POLN: variants seen among roughly 807,000 people sequenced by gnomAD.
POLN encodes the protein DNA polymerase N.
In POLN, 108 loss-of-function variants were observed where a neutral mutation model predicts 113.5. That is an observed-to-expected ratio of 0.95 (90% CI 0.81 to 1.12). The LOEUF (loss-of-function observed/expected upper bound fraction) is 1.12, where lower values mean the gene tolerates loss of function less well. Ranked by LOEUF, POLN falls within the 50% of genes most tolerant of loss-of-function variation. The pLI is 0.00. For synonymous variants in POLN, 386 were observed against 391.5 expected (o/e 0.99, Z 0.17); for missense variants, 1,097 against 1,077.1 (o/e 1.02, Z -0.26).
chr4:2,177,742 T>G (rs372732799), intron 8 of POLN, among the ~76,000 whole-genome samples: 1 of 152,236 alleles, frequency 6.6e-6, no homozygotes, highest in East Asian at 1.9e-4. Context: ...TGGAGAAGTC[T>G]CCCTGCCTGA....
intron 4 of POLN, among the ~76,000 whole-genome samples, chr4:2,212,315 T>C (rs1734013059): frequency 6.6e-6 from 1 of 152,170 alleles, no homozygotes; most frequent in African/African-American, 2.4e-5. Flanking sequence ...TTTCTTCCCT[T>C]ATCTGAAAAA....
chr4:2,212,537 G>A (rs1004791669), intron 4 of POLN, among the ~76,000 whole-genome samples: 5 of 151,062 alleles, frequency 3.3e-5, no homozygotes, highest in Admixed American at 6.6e-5. Flanking sequence ...ACCATGCCCA[G>A]TTAATTTTTT....
At chr4:2,174,052 G>T in intron 10 of POLN, 33 bp from the exon 11 acceptor site, 1 of 1,603,044 alleles carries the variant, frequency 6.2e-7, no homozygotes, top group Non-Finnish European at 8.5e-7. Context: ...GATCATATTT[G>T]CATTAATGTA....
At chr4:2,132,591 C>A (rs1731752992) in intron 16 of POLN, among the ~76,000 whole-genome samples, 1 of 152,176 alleles carries the variant, frequency 6.6e-6, no homozygotes, top group Non-Finnish European at 1.5e-5. Context: ...CATCTTGAAA[C>A]TAGCCAGGGT....
chr4:2,216,312 GAA>G (rs1734112116), intron 3 of POLN, among the ~76,000 whole-genome samples: 1 of 152,226 alleles, frequency 6.6e-6, no homozygotes, highest in African/African-American at 2.4e-5. Context: ...GTGTGAGGGA[GAA>G]ATACAGATTT....
chr4:2,222,543 C>A (rs1244181850), intron 3 of POLN, among the ~76,000 whole-genome samples: 2 of 152,060 alleles, frequency 1.3e-5, no homozygotes, highest in African/African-American at 4.8e-5. Context: ...AAAACAAAAA[C>A]CCCTAGCACA....
intron 2 of POLN, chr4:2,231,319 G>A (rs1734570876): frequency 6.6e-6 from 1 of 152,224 alleles, no homozygotes; most frequent in Non-Finnish European, 1.5e-5. Flanking sequence ...ATTTAATAGC[G>A]GCTGAGCGTG....
At chr4:2,212,745 C>A in intron 4 of POLN, among the ~76,000 whole-genome samples, 1 of 152,042 alleles carries the variant, frequency 6.6e-6, no homozygotes, top group Non-Finnish European at 1.5e-5. Flanking sequence ...TTTCATACTT[C>A]AGAAAGACAT....
At chr4:2,211,655 T>C (rs1002442455) in intron 4 of POLN, among the ~76,000 whole-genome samples, 3 of 152,040 alleles carry the variant, frequency 2.0e-5, no homozygotes, top group African/African-American at 7.2e-5. Flanking sequence ...TGTGTGCCTG[T>C]AGTCTCAGCT....
At chr4:2,123,604 G>A (rs944364426) in intron 19 of POLN, among the ~76,000 whole-genome samples, 20 of 133,454 alleles carry the variant, frequency 1.5e-4, no homozygotes, top group African/African-American at 4.5e-4. Flanking sequence ...CAGTCTGGGC[G>A]ACAGGGTGAG....
At chr4:2,171,224 A>T (rs1234311513) in intron 11 of POLN, 43 bp from the exon 12 acceptor site, 2 of 1,544,564 alleles carry the variant, frequency 1.3e-6, no homozygotes, top group South Asian at 2.3e-5. Context: ...CATAGTTTTC[A>T]CAATTTAAGA....
In POLN at chr4:2,195,485, C is replaced by CT. The variant is rs59469569; in HGVS notation, c.909-2170dup. 9.1e-3 allele frequency among the ~76,000 whole-genome samples: 1,150 copies of CT among 125,890 alleles called. 5 individuals carry two copies. Among genetic ancestry groups the CT allele is most frequent in the African/African-American group, 0.024 (825 of 34,590 alleles). The allele number at this position is 125,890 out of a possible 152,430, so 82.6% of individuals were successfully genotyped here. A position where few individuals can be genotyped will look rare whatever the true frequency, so the allele number is the denominator to read the frequency against. ...TTTTTTTTTTTTTAGCTTGGTAATT[C>CT]TTTTTTTTTTTTTTTTAAGACAGGG... On this transcript the variant is annotated intron_variant, in intron 6 of 25. Coordinates refer to ENST00000511885, the MANE Select transcript of POLN (RefSeq NM_181808.4).
chr4:2,130,232 C>A (rs1202433476), intron 17 of POLN, among the ~76,000 whole-genome samples: 1 of 145,266 alleles, frequency 6.9e-6, no homozygotes, highest in Non-Finnish European at 1.5e-5. Context: ...GGCAACAGAG[C>A]GAGACTCTGT....
chr4:2,091,213 C>T (rs920420430), intron 20 of POLN, among the ~76,000 whole-genome samples: 6 of 152,296 alleles, frequency 3.9e-5, no homozygotes, highest in East Asian at 1.9e-4. Flanking sequence ...CCAATGGGAG[C>T]GACTTGGCCA....
intron 24 of POLN, among the ~76,000 whole-genome samples, chr4:2,073,568 G>A (rs922493947): frequency 3.3e-5 from 5 of 152,362 alleles, no homozygotes; most frequent in East Asian, 1.9e-4. Flanking sequence ...TTGTTGGGGC[G>A]TGGATCACCA....
intron 19 of POLN, among the ~76,000 whole-genome samples, chr4:2,101,248 C>T (rs985243142): frequency 6.6e-6 from 1 of 151,936 alleles, no homozygotes; most frequent in African/African-American, 2.4e-5. Context: ...CAATACAAAC[C>T]ATACTAAGAA....
intron 19 of POLN, among the ~76,000 whole-genome samples, chr4:2,120,092 T>C (rs1731404795): frequency 6.6e-6 from 1 of 152,206 alleles, no homozygotes; most frequent in Admixed American, 6.5e-5. Flanking sequence ...CTGGTTTCTC[T>C]TTTCTGTTCC....
chr4:2,132,636 T>TG (rs1418108751), intron 16 of POLN, among the ~76,000 whole-genome samples: 6 of 152,334 alleles, frequency 3.9e-5, no homozygotes, highest in African/African-American at 1.4e-4. Context: ...AACAGCAATG[T>TG]GAGTGACTGC....
intron 2 of POLN, among the ~76,000 whole-genome samples, chr4:2,232,670 T>C (rs1194012317): frequency 6.6e-6 from 1 of 150,888 alleles, no homozygotes; most frequent in African/African-American, 2.5e-5. Context: ...CAAATAGAAT[T>C]ACACATGACA....
Sources: gnomAD v4.1 joint callset for allele counts (sites outside exome capture counted in the v4.1 genomes callset) on GRCh38, gnomAD v4.1.1 for gene constraint, MANE v1.5 for transcripts, NCBI Gene and HGNC (gene_info 2026-07-23, HGNC 2026-07-21) for gene names.